The following OPCML variants were observed in gnomAD, a reference collection of about 807,000 sequenced individuals.
OPCML encodes the protein opioid binding protein/cell adhesion molecule like.
A neutral mutation model predicts 37.8 loss-of-function variants in OPCML; 13 were observed. That is an observed-to-expected ratio of 0.34 (90% CI 0.22 to 0.55). The LOEUF is 0.55. Among genes scored for constraint, OPCML ranks in the 20% least tolerant of loss-of-function variants. The pLI is 0.91. For synonymous variants in OPCML, 176 were observed against 168.8 expected, an observed-to-expected ratio of 1.04 and a Z score of -0.33; for missense variants, 341 against 435.6, an observed-to-expected ratio of 0.78 and a Z score of 1.93.
At chr11:132,770,249 T>C (rs960309096) in intron 2 of OPCML, among the ~76,000 whole-genome samples, 7 of 152,206 alleles carry the variant, frequency 4.6e-5, no homozygotes, top group Non-Finnish European at 5.9e-5. Context: ...CCTGCTCTCA[T>C]GGAACTTGTG....
chr11:132,445,088 A>G (rs1463879810), intron 4 of OPCML, among the ~76,000 whole-genome samples: 2 of 152,158 alleles, frequency 1.3e-5, no homozygotes. Flanking sequence ...CTGCGGGAGG[A>G]GTGGCTTGCC....
rs150256623 is a variant in OPCML at position 132,844,965 on chromosome 11, AT to A, written c.146+97960del. Among the ~76,000 whole-genome samples, 478 of 142,668 alleles carry A rather than the reference AT, an allele frequency of 3.4e-3. 1 individual carries two copies. The highest frequency in any genetic ancestry group is 8.9e-3 in the African/African-American group (344 of 38,826). 93.6% of individuals were successfully genotyped at this position (142,668 alleles called of 152,430 possible). On this transcript the variant is annotated intron_variant, in intron 2 of 7. Transcript: ENST00000524381. ...GGAAATGTAAAAAAAAAAAAAACCT[AT>A]TTTTTTTTTGTTTTTGTTTTTGTTT...
chr11:133,528,178 T>C (rs1948526990), intron 1 of OPCML, among the ~76,000 whole-genome samples: 1 of 152,362 alleles, frequency 6.6e-6, no homozygotes, highest in Non-Finnish European at 1.5e-5. Context: ...GCTGCCCAGT[T>C]CCAGGCTACT....
intron 1 of OPCML, among the ~76,000 whole-genome samples, chr11:133,492,935 T>A (rs570468828): frequency 6.6e-6 from 1 of 152,164 alleles, no homozygotes; most frequent in African/African-American, 2.4e-5. Context: ...AAAGGCACAC[T>A]GGAGAATATG....
intron 1 of OPCML, among the ~76,000 whole-genome samples, chr11:133,153,089 G>A (rs1308451137): frequency 6.6e-6 from 1 of 152,136 alleles, no homozygotes; most frequent in African/African-American, 2.4e-5. Context: ...GGCGGCTCTG[G>A]AGGAGTTTCG....
intron 3 of OPCML, among the ~76,000 whole-genome samples, chr11:132,533,144 A>G (rs1365878448): frequency 6.6e-6 from 1 of 152,232 alleles, no homozygotes; most frequent in Admixed American, 6.5e-5. Context: ...CTAAAGGATA[A>G]TAAGTAGCAC....
At chr11:133,025,391 G>T (rs1947532642) in intron 1 of OPCML, 1 of 985,118 alleles carries the variant, frequency 1.0e-6, no homozygotes, top group Admixed American at 6.2e-5. Context: ...ACCAGTACTA[G>T]CCAAGAGTAT....
intron 3 of OPCML, among the ~76,000 whole-genome samples, chr11:132,538,283 C>T (rs960843536): frequency 1.3e-5 from 2 of 152,042 alleles, no homozygotes; most frequent in East Asian, 3.9e-4. Context: ...CATGAAAATA[C>T]TAAGTGAAAG....
intron 1 of OPCML, among the ~76,000 whole-genome samples, chr11:133,267,393 G>A (rs1276609694): frequency 4.6e-5 from 7 of 152,082 alleles, no homozygotes; most frequent in Non-Finnish European, 8.8e-5. Context: ...TGATCACTCC[G>A]AGCCTCAGTT....
chr11:133,129,093 G>A (rs1949564509), intron 1 of OPCML, among the ~76,000 whole-genome samples: 2 of 152,288 alleles, frequency 1.3e-5, no homozygotes, highest in South Asian at 4.1e-4. Flanking sequence ...GGAAACAGGT[G>A]GGAACTGAAA....
chr11:132,669,332 T>C (rs1156353815), intron 2 of OPCML, among the ~76,000 whole-genome samples: 4 of 151,840 alleles, frequency 2.6e-5, no homozygotes, highest in Non-Finnish European at 5.9e-5. Flanking sequence ...GGTGAATGGG[T>C]TAAGGAGCTT....
intron 1 of OPCML, among the ~76,000 whole-genome samples, chr11:132,985,251 A>G (rs1459572215): frequency 1.3e-5 from 2 of 152,212 alleles, no homozygotes; most frequent in African/African-American, 4.8e-5. Flanking sequence ...TACTCAGGAC[A>G]TCACCAGGCC....
intron 7 of OPCML, among the ~76,000 whole-genome samples, chr11:132,425,776 A>C (rs747586341): frequency 3.3e-5 from 5 of 152,222 alleles, no homozygotes; most frequent in Non-Finnish European, 7.3e-5. Flanking sequence ...GAAAGGCCTG[A>C]AGTGGCTGCT....
chr11:133,447,068 C>T (rs561614111), intron 1 of OPCML, among the ~76,000 whole-genome samples: 1 of 152,128 alleles, frequency 6.6e-6, no homozygotes, highest in Non-Finnish European at 1.5e-5. Context: ...ATTTCTGTGC[C>T]ATATATTAAG....
At chr11:133,530,267 G>A (rs932300458) in intron 1 of OPCML, among the ~76,000 whole-genome samples, 2 of 152,244 alleles carry the variant, frequency 1.3e-5, no homozygotes, top group Admixed American at 6.5e-5. Flanking sequence ...CCTAGAAGGA[G>A]GTCTCACCCT....
At chr11:132,584,711 T>C (rs1292606176) in intron 3 of OPCML, among the ~76,000 whole-genome samples, 1 of 152,108 alleles carries the variant, frequency 6.6e-6, no homozygotes, top group African/African-American at 2.4e-5. Context: ...TCCCCAATAA[T>C]ACAGGCCAGG....
chr11:132,434,506 G>T (rs909773573), intron 7 of OPCML, among the ~76,000 whole-genome samples: 2 of 152,042 alleles, frequency 1.3e-5, no homozygotes, highest in Non-Finnish European at 2.9e-5. Flanking sequence ...CTAATACAGG[G>T]CTCCATCTCT....
rs149631876 is a variant in OPCML at position 132,587,673 on chromosome 11, C to T, written c.380-58487G>A. 2.5e-3 allele frequency among the ~76,000 whole-genome samples: 380 copies of T among 152,292 alleles called. 1 individual carries two copies. The highest frequency in any genetic ancestry group is 4.6e-3 in the Admixed American group (71 of 15,298). On this transcript the variant is annotated intron_variant, in intron 3 of 7. Transcript: ENST00000524381. The stretch of plus-strand genomic sequence containing the variant: ...AGCACCCACTTTACACCTAAGGGGG[C>T]ACTGCCATGAACATAGGGCCATGAG...
intron 7 of OPCML, among the ~76,000 whole-genome samples, chr11:132,426,450 T>A (rs1565552184): frequency 6.6e-6 from 1 of 152,190 alleles, no homozygotes; most frequent in African/African-American, 2.4e-5. Flanking sequence ...GCCATTACTT[T>A]TTTTTTAGAG....
Sources: gnomAD v4.1 joint callset for allele counts (sites outside exome capture counted in the v4.1 genomes callset) on GRCh38, gnomAD v4.1.1 for gene constraint, MANE v1.5 for transcripts, NCBI Gene and HGNC (gene_info 2026-07-23, HGNC 2026-07-21) for gene names.